The following PLA2G6 variants were observed in gnomAD, a reference collection of about 807,000 sequenced individuals.
PLA2G6 encodes phospholipase A2 group VI.
Under a neutral mutation model 83.8 loss-of-function variants are expected in PLA2G6, and 62 were observed. That is an observed-to-expected ratio of 0.74 (90% CI 0.60 to 0.91). PLA2G6 has a LOEUF of 0.91. PLA2G6 is among the 40% of genes least tolerant of loss of function. The pLI, the probability that PLA2G6 is intolerant of heterozygous loss-of-function variation, is 0.00. For synonymous variants in PLA2G6, 417 were observed against 449.8 expected (o/e 0.93, Z 0.92); for missense variants, 944 against 1,102.0 (o/e 0.86, Z 2.03).
chr22:38,118,589 T>C (rs2087342010), intron 12 of PLA2G6, among the ~76,000 whole-genome samples: 1 of 152,356 alleles, frequency 6.6e-6, no homozygotes, highest in South Asian at 2.1e-4. Flanking sequence ...AGTCCTTTGA[T>C]GGATGTATGG....
At chr22:38,115,972 G>A (rs1462225878) in intron 13 of PLA2G6, 103 bp downstream of exon 13, 1 of 1,501,290 alleles carries the variant, frequency 6.7e-7, no homozygotes, top group African/African-American at 1.4e-5. Context: ...GTGGGCTGGT[G>A]GCACGGTGAG....
rs1416244766 is a variant in PLA2G6, at chr22:38,128,369, TGG to T, written c.1246_1247del (p.Pro416ThrfsTer97). 10 of 1,613,544 alleles carry T rather than the reference TGG, an allele frequency of 6.2e-6. No individual in the cohort carries two copies. Among genetic ancestry groups the T allele is most frequent in the African/African-American group, 1.3e-5 (1 of 74,916 alleles). ...GCTCCGCGGGGACCCCGTGGATGGG[TGG>T]GAAGCAGTATTCGGCCCCCACGGTT... Reference protein sequence around the residue: ...LRTVGAEYCFPPIHGVPAEQG... With the variant: ...LRTVGAEYCFXPIHGVPAEQG... On this transcript the variant is annotated frameshift_variant, in exon 9 of 17. Transcript: ENST00000332509. LOFTEE classifies it high-confidence loss of function. This position sits in a 1 kb window ranked among gnomAD's most constrained non-coding sequence, Gnocchi z 4.4.
rs746667207 is a variant in PLA2G6 at position 38,145,137 on chromosome 22, G to A, written c.425+301C>T. The A allele has an allele frequency of 2.0e-5, 8 of 405,490 alleles. No individual in the cohort carries two copies. The East Asian group carries it at 4.5e-4, about 23-fold the overall frequency. 25.1% of individuals were successfully genotyped at this position (405,490 alleles called of 1,614,324 possible). ...GCTCACTGTAAACTCTAACTCCTGG[G>A]CTCAAGCAATCCTCCTGCCTCAGCA... On this transcript the variant is annotated intron_variant, in intron 3 of 16. Transcript: ENST00000332509.
chr22:38,132,384 C>T lies in PLA2G6; in HGVS notation c.1077+447G>A, dbSNP rs111376400. On this transcript the variant is annotated intron_variant, in intron 7 of 16. Coordinates refer to ENST00000332509, the MANE Select transcript of PLA2G6 (RefSeq NM_003560.4). The surrounding 1 kb of genome is among the most constrained non-coding windows in gnomAD (Gnocchi z 5.0). ...AGTGAAGGGAAGCAGGATGCTCACT[C>T]GGGCCAGGTACTGCGTGTGTCACTT... is the stretch of plus-strand genomic sequence containing the variant. The T allele has an allele frequency of 1.1e-4, 36 of 316,344 alleles. No individual in the cohort carries two copies. The highest frequency in any genetic ancestry group is 5.5e-4 in the African/African-American group (25 of 45,484). 19.6% of individuals were successfully genotyped at this position (316,344 alleles called of 1,614,324 possible).
At position 38,123,055 on chromosome 22, in the gene PLA2G6, C is replaced by T. The variant is rs2087613986; in HGVS notation, c.1591+40G>A. 2 of 1,538,100 alleles carry T rather than the reference C, an allele frequency of 1.3e-6. No homozygotes were observed. The highest frequency in any genetic ancestry group is 2.4e-5 in the South Asian group (2 of 83,800). ...AACTCGGCCCCTTGAGGACACAGGT[C>T]TCAGCCCCGCCTGGCCCCATCCCCA... On this transcript the variant is annotated intron_variant, in intron 11 of 16. Transcript: ENST00000332509. This position sits in a 1 kb window ranked among gnomAD's most constrained non-coding sequence, Gnocchi z 4.1.
chr22:38,148,281 A>G (rs903508873), intron 2 of PLA2G6: 2 of 511,868 alleles, frequency 3.9e-6, no homozygotes, highest in Non-Finnish European at 7.0e-6. Flanking sequence ...AGGAGCAAAT[A>G]AAGGAAAGGA....
intron 2 of PLA2G6, chr22:38,147,024 GC>G (rs1374182290): frequency 1.3e-5 from 2 of 152,198 alleles, no homozygotes; most frequent in East Asian, 3.9e-4. Context: ...CAGGTGACCT[GC>G]CTGCCTGGGC....
rs2087904141 is a variant in PLA2G6, at chr22:38,127,061, C to T, written c.1349-612G>A. 10 of 1,093,870 alleles carry T rather than the reference C, an allele frequency of 9.1e-6. No individual in the cohort carries two copies. In the East Asian group the frequency reaches 2.0e-4, roughly 22 times the overall value. The allele number at this position is 1,093,870 out of a possible 1,614,324, so 67.8% of individuals were successfully genotyped here. The stretch of plus-strand genomic sequence containing the variant: ...TCCTTTGTGTCCAAGGCCTGCCTGA[C>T]GTCCACCCAACTGACTAGCTGCCCC... On this transcript the variant is annotated intron_variant, in intron 9 of 16. Transcript: ENST00000332509.
At chr22:38,113,390 C>G (rs2086997942) in intron 15 of PLA2G6, 97 bp downstream of exon 15, 1 of 1,189,900 alleles carries the variant, frequency 8.4e-7, no homozygotes, top group African/African-American at 1.5e-5. Context: ...GCCCTGCTGT[C>G]TCCTCCAACA....
chr22:38,112,843 G>T, intron 15 of PLA2G6: 1 of 583,462 alleles, frequency 1.7e-6, no homozygotes, highest in Non-Finnish European at 3.1e-6. Context: ...CGGCTGAGTC[G>T]ACAGGCCTCC....
At chr22:38,171,583 C>G (rs2090441070) in intron 1 of PLA2G6, among the ~76,000 whole-genome samples, 1 of 152,042 alleles carries the variant, frequency 6.6e-6, no homozygotes, top group Non-Finnish European at 1.5e-5. Context: ...CTCTGGGAGG[C>G]TGAGGAGGGC....
At chr22:38,126,106 G>A (rs2087836879) in intron 10 of PLA2G6, 2 of 539,430 alleles carry the variant, frequency 3.7e-6, no homozygotes, top group Non-Finnish European at 3.5e-6. Flanking sequence ...AGGGAGGGAG[G>A]CCAGAACACT....
In PLA2G6 at chr22:38,128,924, C is replaced by T. The variant is rs372323151; in HGVS notation, c.1187-494G>A. 2.4e-4 allele frequency among the ~76,000 whole-genome samples: 36 copies of T among 152,370 alleles called. No homozygotes were observed. The South Asian group carries it at 7.5e-3, about 32-fold the overall frequency. On this transcript the variant is annotated intron_variant, in intron 8 of 16. Transcript: ENST00000332509. The surrounding 1 kb of genome is among the most constrained non-coding windows in gnomAD (Gnocchi z 4.4). Reference sequence around the variant, plus strand: ...ACTGCTGCCATCAGGTACCTGCCCACAGTGACCCCCACAGCTGCTGAAACC... The same window carrying T: ...ACTGCTGCCATCAGGTACCTGCCCATAGTGACCCCCACAGCTGCTGAAACC...
chr22:38,116,469 C>T (rs924551562), intron 12 of PLA2G6: 2 of 651,920 alleles, frequency 3.1e-6, no homozygotes, highest in Non-Finnish European at 2.9e-6. Context: ...AATGGAAAAA[C>T]CTGTTGCAAG....
rs375183702 is a variant in PLA2G6 at position 38,112,040 on chromosome 22, C to A, written c.*121G>T. 6.3e-5 allele frequency: 75 copies of A among 1,196,814 alleles called. No individual in the cohort carries two copies. The highest frequency in any genetic ancestry group is 2.7e-4 in the Middle Eastern group (1 of 3,682). 74.1% of individuals were successfully genotyped at this position (1,196,814 alleles called of 1,614,324 possible). ...GCAGGCAGCTTGGCATTCTCCCAGG[C>A]CTGGTCTATGGACTCAGAGGTGCCT... On this transcript the variant is annotated 3_prime_UTR_variant, in exon 17 of 17. Transcript: ENST00000332509.
intron 12 of PLA2G6, among the ~76,000 whole-genome samples, chr22:38,118,753 G>GTTTTTGT (rs796283476): frequency 2.2e-5 from 3 of 138,664 alleles, no homozygotes; most frequent in Non-Finnish European, 3.1e-5. Context: ...GTTTGTTTTT[G>GTTTTTGT]TTTTTTTTTT....
At chr22:38,152,713 C>T (rs1378583485) in intron 2 of PLA2G6, among the ~76,000 whole-genome samples, 1 of 152,150 alleles carries the variant, frequency 6.6e-6, no homozygotes, top group African/African-American at 2.4e-5. Context: ...AACAGGTAGT[C>T]AATGTCTCTG....
chr22:38,136,860 G>C (rs1294888546), intron 5 of PLA2G6: 1 of 150,548 alleles, frequency 6.6e-6, no homozygotes. Context: ...CTAAGCCCTG[G>C]TTTCCTCATC....
intron 4 of PLA2G6, chr22:38,141,580 G>A (rs2088905190): frequency 7.3e-6 from 1 of 137,156 alleles, no homozygotes; most frequent in South Asian, 2.1e-4. Flanking sequence ...GGCCCTCCCT[G>A]GGCACGCTTC....
Sources: allele counts gnomAD v4.1 joint callset (sites outside exome capture counted in the v4.1 genomes callset), GRCh38; gene constraint gnomAD v4.1.1; non-coding constraint Gnocchi (gnomAD v3.1); transcripts MANE v1.5; gene names NCBI Gene and HGNC (gene_info 2026-07-23, HGNC 2026-07-21).